ZC3H14: variants seen among roughly 807,000 people sequenced by gnomAD.
ZC3H14 encodes the protein zinc finger CCCH-type containing 14.
In ZC3H14, 31 loss-of-function variants were observed where a neutral mutation model predicts 92.4. The observed-to-expected ratio is 0.34, with a 90% CI of 0.25 to 0.45. The LOEUF is 0.45. Among genes scored for constraint, ZC3H14 ranks in the 20% least tolerant of loss-of-function variants. The probability of loss-of-function intolerance (pLI) is 1.00; values close to 1 mark genes in which losing one functional copy is unlikely to be tolerated. For missense variants in ZC3H14, 781 were observed against 897.3 expected, an observed-to-expected ratio of 0.87 and a Z score of 1.66; for synonymous variants, 321 against 300.9, an observed-to-expected ratio of 1.07 and a Z score of -0.69.
At chr14:88,611,242 G>GCCTCCCACTTA (rs1555411497) in intron 16 of ZC3H14, among the ~76,000 whole-genome samples, 1 of 17,272 alleles carries the variant, frequency 5.8e-5, no homozygotes, top group Non-Finnish European at 2.0e-4. Context: ...CCTCCCACCT[G>GCCTCCCACTTA]TAGCTGAGAC....
At chr14:88,584,015 TTA>T (rs1174433070) in intron 9 of ZC3H14, among the ~76,000 whole-genome samples, 1 of 152,236 alleles carries the variant, frequency 6.6e-6, no homozygotes, top group Non-Finnish European at 1.5e-5. Context: ...TTTAAATTTG[TTA>T]TATCTTCTCT....
intron 6 of ZC3H14, 196 bp from the exon 7 acceptor site, chr14:88,574,497 C>G (rs1305326669): frequency 1.7e-6 from 1 of 600,190 alleles, no homozygotes; most frequent in Admixed American, 3.0e-5. Flanking sequence ...CCCACTTCGG[C>G]CTTCCAAAGT....
chr14:88,566,028 G>GCCC (rs1161358992), intron 2 of ZC3H14, among the ~76,000 whole-genome samples: 1 of 2,710 alleles, frequency 3.7e-4, no homozygotes, highest in Non-Finnish European at 1.1e-3. Flanking sequence ...CCACCACCCC[G>GCCC]CCCCCCCCCC....
intron 13 of ZC3H14, chr14:88,609,042 C>T (rs1162493563): frequency 9.2e-6 from 5 of 544,202 alleles, no homozygotes; most frequent in East Asian, 3.3e-5. Flanking sequence ...TTCTTGGTGG[C>T]TTGGCTTGAG....
intron 9 of ZC3H14, among the ~76,000 whole-genome samples, chr14:88,594,186 G>A (rs1033724156): frequency 2.0e-5 from 3 of 152,152 alleles, no homozygotes; most frequent in Non-Finnish European, 4.4e-5. Context: ...GAAATCTGAA[G>A]CTTAAAAATG....
At chr14:88,563,845 C>A (rs2079210313) in intron 2 of ZC3H14, 152 bp downstream of exon 2, 1 of 769,128 alleles carries the variant, frequency 1.3e-6, no homozygotes, top group Non-Finnish European at 2.1e-6. Context: ...ACTTCTTTAT[C>A]ATCTTTTTGC....
At chr14:88,598,676 A>G (rs1595746704) in intron 10 of ZC3H14, among the ~76,000 whole-genome samples, 1 of 152,254 alleles carries the variant, frequency 6.6e-6, no homozygotes, top group East Asian at 1.9e-4. Flanking sequence ...TTTCTGGCAG[A>G]GACCCTAATG....
chr14:88,563,568 A>C (rs745674206), intron 1 of ZC3H14, 83 bp from the exon 2 acceptor site: 189 of 1,589,076 alleles, frequency 1.2e-4, no homozygotes, highest in Admixed American at 2.5e-4. Context: ...CGCACCAGCA[A>C]AGTGGCCTCA....
At position 88,616,006 on chromosome 14, in the gene ZC3H14, G is replaced by A; in HGVS notation, c.*4255G>A. 7.9e-7 allele frequency: 1 copy of A among 1,269,810 alleles called. No homozygotes were observed. The highest frequency in any genetic ancestry group is 2.4e-5 in the East Asian group (1 of 42,356). 78.7% of individuals were successfully genotyped at this position (1,269,810 alleles called of 1,614,324 possible). A position where few individuals can be genotyped will look rare whatever the true frequency, so the allele number is the denominator to read the frequency against. On this transcript the variant is annotated 3_prime_UTR_variant, in exon 17 of 17. Transcript: ENST00000251038. ...TGTATTTGCATAAATATGAGATTCTGAAGAGCCATCTGGTTATACTACCTT... is the reference window on the plus strand; with the variant it reads ...TGTATTTGCATAAATATGAGATTCTAAAGAGCCATCTGGTTATACTACCTT...
At chr14:88,586,330 T>G (rs1566933998) in intron 9 of ZC3H14, among the ~76,000 whole-genome samples, 1 of 152,238 alleles carries the variant, frequency 6.6e-6, no homozygotes, top group Non-Finnish European at 1.5e-5. Context: ...GAAGTATTTT[T>G]GAAGTATTTT....
intron 9 of ZC3H14, chr14:88,586,762 AAG>A (rs2082520035): frequency 6.6e-6 from 1 of 152,242 alleles, no homozygotes; most frequent in Non-Finnish European, 1.5e-5. Flanking sequence ...AATCTGGAAA[AAG>A]AAAGCATATC....
chr14:88,597,429 C>A (rs968140682), intron 10 of ZC3H14, among the ~76,000 whole-genome samples: 5 of 152,194 alleles, frequency 3.3e-5, no homozygotes, highest in Admixed American at 2.0e-4. Context: ...CCATGAGAGA[C>A]CCGGAATCAT....
intron 9 of ZC3H14, chr14:88,594,703 G>A: frequency 6.2e-7 from 1 of 1,613,740 alleles, no homozygotes; most frequent in South Asian, 1.1e-5. Context: ...TTATGAAAAT[G>A]TCTTTGAGGT....
chr14:88,568,987 T>C (rs1307546098), intron 3 of ZC3H14, among the ~76,000 whole-genome samples: 1 of 152,094 alleles, frequency 6.6e-6, no homozygotes, highest in East Asian at 1.9e-4. Context: ...TTTCAAGTGA[T>C]CATCCCATTG....
intron 1 of ZC3H14, 149 bp downstream of exon 1, chr14:88,563,318 C>A: frequency 6.6e-7 from 1 of 1,514,666 alleles, no homozygotes; most frequent in Non-Finnish European, 8.8e-7. Flanking sequence ...TCGTCCAGGC[C>A]GCCTCGGCCC....
Position 88,616,140 on chromosome 14 carries a change from A to ACCTGCAGTCATCACCT in ZC3H14, c.*4392_*4407dup. On this transcript the variant is annotated 3_prime_UTR_variant, in exon 17 of 17. Transcript: ENST00000251038. ...TCTTCATGGGCTGAGAAAGTTACTA[A>ACCTGCAGTCATCACCT]CCTGCAGTCATCACCTCCAGCACTA... 6.2e-7 allele frequency: 1 copy of ACCTGCAGTCATCACCT among 1,613,684 alleles called. No individual in the cohort carries two copies. Among genetic ancestry groups the ACCTGCAGTCATCACCT allele is most frequent in the Non-Finnish European group, 8.5e-7 (1 of 1,179,648 alleles).
chr14:88,578,124 T>C lies in ZC3H14; in HGVS notation c.1263T>C (p.Ser421=), dbSNP rs763708757. The C allele has an allele frequency of 6.2e-6, 10 of 1,614,064 alleles. No homozygotes were observed. The East Asian group carries it at 8.9e-5, about 14-fold the overall frequency. The change falls in exon 9 of 17, where the codon TCT becomes TCC. Residue 421 remains serine, a synonymous_variant. Coordinates refer to ENST00000251038, the MANE Select transcript of ZC3H14 (RefSeq NM_024824.5). ...PIKEEETKGD[S]VEKNQGTQQR... ...AAGAAGAGGAAACAAAAGGAGATTCTGTAGAAAAAAATCAAGGTAATAACT... is the reference window on the plus strand; with the variant it reads ...AAGAAGAGGAAACAAAAGGAGATTCCGTAGAAAAAAATCAAGGTAATAACT...
intron 7 of ZC3H14, 95 bp from the exon 8 acceptor site, chr14:88,575,745 C>T (rs2081079279): frequency 1.9e-6 from 2 of 1,027,708 alleles, no homozygotes; most frequent in South Asian, 1.4e-5. Flanking sequence ...CTGTTTAAAA[C>T]CTAGAGAAGG....
Position 88,622,956 on chromosome 14 carries a change from A to G in ZC3H14, c.*11205A>G. On this transcript the variant is annotated 3_prime_UTR_variant, in exon 17 of 17. Coordinates refer to ENST00000251038, the MANE Select transcript of ZC3H14 (RefSeq NM_024824.5). Reference sequence around the variant, plus strand: ...TTGAGAAATACTCTTTTTTTCTGACATGAGCATAATTTTATTTAGCCTCTA... The same window carrying G: ...TTGAGAAATACTCTTTTTTTCTGACGTGAGCATAATTTTATTTAGCCTCTA... The G allele has an allele frequency of 2.7e-6, 1 of 373,326 alleles. No individual in the cohort carries two copies. Among genetic ancestry groups the G allele is most frequent in the Non-Finnish European group, 4.8e-6 (1 of 209,994 alleles). 23.1% of individuals were successfully genotyped at this position (373,326 alleles called of 1,614,324 possible). A position where few individuals can be genotyped will look rare whatever the true frequency, so the allele number is the denominator to read the frequency against.
Sources: allele counts gnomAD v4.1 joint callset (sites outside exome capture counted in the v4.1 genomes callset), GRCh38; gene constraint gnomAD v4.1.1; transcripts MANE v1.5; gene names NCBI Gene and HGNC (gene_info 2026-07-23, HGNC 2026-07-21).